The following PANX1 variants were observed in gnomAD, a reference collection of about 807,000 sequenced individuals.
The protein encoded by PANX1 is pannexin 1.
In PANX1, 30 loss-of-function variants were observed where a neutral mutation model predicts 38.7. The observed-to-expected ratio is 0.78, with a 90% CI of 0.58 to 1.05. The LOEUF is 1.05. Among genes scored for constraint, PANX1 ranks in the 50% least tolerant of loss-of-function variants. PANX1 has a pLI of 0.00. For missense variants in PANX1, 551 were observed against 517.2 expected (o/e 1.07, Z -0.63); for synonymous variants, 230 against 212.2 (o/e 1.08, Z -0.73).
intron 1 of PANX1, among the ~76,000 whole-genome samples, chr11:94,142,312 G>A (rs1320755714): frequency 6.6e-6 from 1 of 152,180 alleles, no homozygotes; most frequent in Non-Finnish European, 1.5e-5. Flanking sequence ...GAACATGGGT[G>A]TATGGATTAT....
intron 1 of PANX1, among the ~76,000 whole-genome samples, chr11:94,132,608 G>A (rs1238695487): frequency 6.6e-6 from 1 of 152,104 alleles, no homozygotes; most frequent in Non-Finnish European, 1.5e-5. Flanking sequence ...GGGGTGGTGT[G>A]TGTGTGTATA....
Position 94,179,886 on chromosome 11 carries a change from G to T in PANX1, c.830G>T (p.Ser277Ile), listed in dbSNP as rs781085138. The T allele has an allele frequency of 6.2e-7, 1 of 1,614,094 alleles. No homozygotes were observed. The highest frequency in any genetic ancestry group is 8.5e-7 in the Non-Finnish European group (1 of 1,180,022). Residue 277 changes from serine to isoleucine, a missense_variant, in exon 4 of 5, where the codon AGT becomes ATT. By Grantham distance (142) the Ser-to-Ile change is moderately radical (BLOSUM62 -2). Transcript: ENST00000227638. Reference sequence around the variant, plus strand: ...GCCGTGGGCATCTTCCAGTTGCTCAGTGTCATTAACCTTGTGGTTTATGTC... The same window carrying T: ...GCCGTGGGCATCTTCCAGTTGCTCATTGTCATTAACCTTGTGGTTTATGTC... ...LIAVGIFQLL[S>I]VINLVVYVLL... is the part of the protein sequence containing the mutation.
At chr11:94,134,480 G>A (rs1464073895) in intron 1 of PANX1, among the ~76,000 whole-genome samples, 6 of 152,182 alleles carry the variant, frequency 3.9e-5, no homozygotes, top group African/African-American at 1.4e-4. Flanking sequence ...GAATGTTTGT[G>A]TCTCCCAACC....
intron 2 of PANX1, among the ~76,000 whole-genome samples, chr11:94,173,569 C>T (rs12270308): frequency 0.28 from 42,220 of 151,264 alleles, 6,951 homozygotes; most frequent in Admixed American, 0.39. Flanking sequence ...GCTACACACC[C>T]GGCGTGATCC....
intron 1 of PANX1, 58 bp from the exon 2 acceptor site, chr11:94,153,433 G>C: frequency 6.3e-7 from 1 of 1,575,462 alleles, no homozygotes. Context: ...ATGTGAGATG[G>C]GGACAAGAGT....
intron 2 of PANX1, among the ~76,000 whole-genome samples, chr11:94,155,512 AAATAAT>A (rs947601848): frequency 1.3e-5 from 2 of 152,002 alleles, no homozygotes; most frequent in Non-Finnish European, 1.5e-5. Flanking sequence ...AGACTCCAAA[AAATAAT>A]AATAATAAAA....
intron 1 of PANX1, among the ~76,000 whole-genome samples, chr11:94,148,068 AAAG>A (rs765441216): frequency 4.6e-5 from 7 of 152,214 alleles, no homozygotes; most frequent in African/African-American, 1.7e-4. Context: ...AGGAAAAAAA[AAAG>A]AAGTATTTCA....
chr11:94,158,235 T>C (rs1274242883), intron 2 of PANX1, among the ~76,000 whole-genome samples: 3 of 152,118 alleles, frequency 2.0e-5, no homozygotes, highest in Admixed American at 1.3e-4. Flanking sequence ...ATGCAGGCTC[T>C]TTTTTGGTTC....
At chr11:94,151,714 A>C (rs765716060) in intron 1 of PANX1, among the ~76,000 whole-genome samples, 2 of 152,178 alleles carry the variant, frequency 1.3e-5, no homozygotes, top group Non-Finnish European at 1.5e-5. Flanking sequence ...CTAAGAACTT[A>C]AGTTTAATGG....
intron 1 of PANX1, among the ~76,000 whole-genome samples, chr11:94,149,936 A>G (rs1005035716): frequency 6.6e-6 from 1 of 152,234 alleles, no homozygotes; most frequent in East Asian, 1.9e-4. Context: ...TCTTGCCTGT[A>G]AAACCTTGAT....
At chr11:94,151,251 CTT>C (rs1206232401) in intron 1 of PANX1, among the ~76,000 whole-genome samples, 1 of 152,200 alleles carries the variant, frequency 6.6e-6, no homozygotes, top group East Asian at 1.9e-4. Context: ...CCTTCTTCCT[CTT>C]TTGCAAAAGC....
rs555359504 is a variant in PANX1, at chr11:94,168,519, C to T, written c.322-9850C>T. Among the ~76,000 whole-genome samples, 142 of 151,018 alleles carry T rather than the reference C, an allele frequency of 9.4e-4. 2 individuals carry two copies. The highest frequency in any genetic ancestry group is 3.4e-3 in the African/African-American group (138 of 40,914). On this transcript the variant is annotated intron_variant, in intron 2 of 4. Transcript: ENST00000227638. ...AGAAAGGAAAAGAAGCAGTTTTGTC[C>T]AAGAAGGCAAAGAGCAAACAAAAAG...
intron 1 of PANX1, among the ~76,000 whole-genome samples, chr11:94,151,879 C>T (rs1217888169): frequency 1.3e-5 from 2 of 152,180 alleles, no homozygotes; most frequent in Non-Finnish European, 2.9e-5. Flanking sequence ...GCTGACAAGT[C>T]CTTTCTTGAT....
chr11:94,142,146 C>G (rs1301087463), intron 1 of PANX1, among the ~76,000 whole-genome samples: 1 of 152,158 alleles, frequency 6.6e-6, no homozygotes, highest in Non-Finnish European at 1.5e-5. Flanking sequence ...CACAGCCCAG[C>G]TCAGAAGCTG....
intron 1 of PANX1, among the ~76,000 whole-genome samples, chr11:94,147,810 A>G (rs1946844734): frequency 6.6e-6 from 1 of 152,206 alleles, no homozygotes; most frequent in South Asian, 2.1e-4. Flanking sequence ...CTGTCTTGAC[A>G]GTGCCGTGTC....
At chr11:94,164,187 T>A (rs938597468) in intron 2 of PANX1, among the ~76,000 whole-genome samples, 2 of 152,056 alleles carry the variant, frequency 1.3e-5, no homozygotes, top group African/African-American at 4.8e-5. Context: ...ATTTTATTGA[T>A]GTTTTGTATT....
intron 1 of PANX1, among the ~76,000 whole-genome samples, chr11:94,142,874 T>C (rs1946779870): frequency 6.6e-6 from 1 of 152,252 alleles, no homozygotes; most frequent in Admixed American, 6.5e-5. Context: ...GAGGGCGTGC[T>C]CCTGGTATAA....
At chr11:94,153,455 G>A in intron 1 of PANX1, 36 bp from the exon 2 acceptor site, 1 of 1,610,468 alleles carries the variant, frequency 6.2e-7, no homozygotes, top group Non-Finnish European at 8.5e-7. Context: ...CAGGTAAGCT[G>A]TGTTTTCATT....
intron 2 of PANX1, among the ~76,000 whole-genome samples, chr11:94,174,646 G>T (rs545297523): frequency 2.6e-5 from 4 of 151,618 alleles, no homozygotes; most frequent in Non-Finnish European, 4.4e-5. Flanking sequence ...TGCCTAGTCT[G>T]TGGGGGCCGT....
Sources: gnomAD v4.1 joint callset for allele counts (sites outside exome capture counted in the v4.1 genomes callset) on GRCh38, gnomAD v4.1.1 for gene constraint, MANE v1.5 for transcripts, NCBI Gene and HGNC (gene_info 2026-07-23, HGNC 2026-07-21) for gene names.